PDLIM1: variants seen among roughly 807,000 people sequenced by gnomAD.
The protein encoded by PDLIM1 is PDZ and LIM domain protein 1.
A neutral mutation model predicts 35.2 loss-of-function variants in PDLIM1; 25 were observed. That is an observed-to-expected ratio of 0.71 (90% CI 0.52 to 0.99). The LOEUF (loss-of-function observed/expected upper bound fraction) is 0.99. Among genes scored for constraint, PDLIM1 ranks in the 50% least tolerant of loss-of-function variants. The pLI is 0.00. For missense variants in PDLIM1, 363 were observed against 415.3 expected (o/e 0.87, Z 1.09); for synonymous variants, 152 against 154.0 (o/e 0.99, Z 0.10).
At position 95,276,420 on chromosome 10, in the gene PDLIM1, T is replaced by TGGGA. The variant is rs762886120; in HGVS notation, c.97-4637_97-4636insTCCC. On this transcript the variant is annotated intron_variant, in intron 1 of 6. Coordinates refer to ENST00000329399, the MANE Select transcript of PDLIM1 (RefSeq NM_020992.4). ...CCACAGGACAGTCACTCCCCTGCCC[T>TGGGA]GTACTGATCTGGGGCCCAGTAACCC... Among the ~76,000 whole-genome samples the TGGGA allele has an allele frequency of 8.5e-5, 13 of 152,154 alleles. No homozygotes were observed. In the South Asian group the frequency reaches 1.2e-3, roughly 15 times the overall value.
At chr10:95,288,193 T>TA (rs947201426) in intron 1 of PDLIM1, among the ~76,000 whole-genome samples, 2 of 152,186 alleles carry the variant, frequency 1.3e-5, no homozygotes, top group South Asian at 2.1e-4. Flanking sequence ...AGTTAAAAAA[T>TA]AAAAAAATTG....
chr10:95,258,718 T>C (rs1235923875), intron 4 of PDLIM1, among the ~76,000 whole-genome samples: 1 of 152,138 alleles, frequency 6.6e-6, no homozygotes, highest in East Asian at 1.9e-4. Flanking sequence ...ATTTCAGTTT[T>C]TCAGGATAAA....
intron 5 of PDLIM1, among the ~76,000 whole-genome samples, chr10:95,242,109 T>C (rs938099421): frequency 6.6e-6 from 1 of 152,020 alleles, no homozygotes; most frequent in African/African-American, 2.4e-5. Flanking sequence ...GGGCTGAGAT[T>C]AGGAGGCTCC....
intron 1 of PDLIM1, among the ~76,000 whole-genome samples, chr10:95,272,637 C>A (rs2035475531): frequency 6.6e-6 from 1 of 151,890 alleles, no homozygotes; most frequent in South Asian, 2.1e-4. Flanking sequence ...GTACTCCAGC[C>A]TGGGCAACAG....
intron 4 of PDLIM1, among the ~76,000 whole-genome samples, chr10:95,257,484 G>A (rs754792380): frequency 1.3e-5 from 2 of 151,704 alleles, no homozygotes; most frequent in Non-Finnish European, 2.9e-5. Flanking sequence ...CAAATAGCTC[G>A]ATTAAAAAAT....
chr10:95,246,334 T>C (rs1022969881), intron 5 of PDLIM1, among the ~76,000 whole-genome samples: 11 of 152,204 alleles, frequency 7.2e-5, no homozygotes, highest in African/African-American at 2.7e-4. Flanking sequence ...TCTCGACGTA[T>C]AGCATTGTTA....
Position 95,238,565 on chromosome 10 carries a change from C to A in PDLIM1, c.803+3G>T, listed in dbSNP as rs370876200. On this transcript the variant is annotated splice_donor_region_variant and intron_variant, in intron 6 of 6. Coordinates refer to ENST00000329399, the MANE Select transcript of PDLIM1 (RefSeq NM_020992.4). ...GCAAAGGCTGTGGGAAGCAGATACT[C>A]ACACAATCCCAGTGCCACATTTGTC... 2.5e-6 allele frequency: 4 copies of A among 1,572,178 alleles called. No individual in the cohort carries two copies.
chr10:95,280,220 A>G (rs1212421677), intron 1 of PDLIM1, among the ~76,000 whole-genome samples: 6 of 152,158 alleles, frequency 3.9e-5, no homozygotes, highest in Non-Finnish European at 8.8e-5. Flanking sequence ...TACTAAAAAT[A>G]CAAAAAATTA....
intron 5 of PDLIM1, 102 bp from the exon 6 acceptor site, chr10:95,238,787 A>G: frequency 1.4e-6 from 1 of 740,544 alleles, no homozygotes; most frequent in Non-Finnish European, 2.4e-6. Context: ...AAGCAAGGCC[A>G]TGGGAACTGG....
intron 1 of PDLIM1, among the ~76,000 whole-genome samples, chr10:95,280,157 CTA>C (rs2035548507): frequency 6.6e-6 from 1 of 152,204 alleles, no homozygotes; most frequent in African/African-American, 2.4e-5. Context: ...GGGTGGATCA[CTA>C]GAGGTCAGGA....
At chr10:95,288,930 T>C (rs527471557) in intron 1 of PDLIM1, among the ~76,000 whole-genome samples, 1 of 152,214 alleles carries the variant, frequency 6.6e-6, no homozygotes, top group Non-Finnish European at 1.5e-5. Flanking sequence ...TACGTGCTCA[T>C]TAAACACGTG....
intron 2 of PDLIM1, among the ~76,000 whole-genome samples, chr10:95,271,340 G>T (rs1408066943): frequency 6.6e-6 from 1 of 151,376 alleles, no homozygotes; most frequent in Non-Finnish European, 1.5e-5. Context: ...AGGAGGCTAA[G>T]GCAGGAGAGT....
intron 1 of PDLIM1, among the ~76,000 whole-genome samples, chr10:95,277,289 G>C (rs1286853791): frequency 1.3e-5 from 2 of 151,736 alleles, no homozygotes; most frequent in East Asian, 1.9e-4. Flanking sequence ...TTTTTCCCCA[G>C]AGACCATACA....
intron 4 of PDLIM1, among the ~76,000 whole-genome samples, chr10:95,260,358 T>C (rs1053195602): frequency 6.6e-6 from 1 of 152,198 alleles, no homozygotes; most frequent in African/African-American, 2.4e-5. Context: ...CAATGAAATC[T>C]GGGCTCTGAA....
chr10:95,265,593 CA>C (rs56893525), intron 3 of PDLIM1, among the ~76,000 whole-genome samples: 2,398 of 83,846 alleles, frequency 0.029, 6 homozygotes, highest in East Asian at 0.053. Flanking sequence ...GGAACTCTGT[CA>C]AAAAAAAAAA....
At chr10:95,262,070 A>T (rs139769021) in intron 4 of PDLIM1, among the ~76,000 whole-genome samples, 344 of 151,982 alleles carry the variant, frequency 2.3e-3, no homozygotes, top group African/African-American at 8.0e-3. Context: ...CACAGGGAAC[A>T]GGGATGCACA....
At chr10:95,240,024 C>T (rs762823072) in intron 5 of PDLIM1, among the ~76,000 whole-genome samples, 4 of 152,122 alleles carry the variant, frequency 2.6e-5, no homozygotes, top group African/African-American at 7.2e-5. Flanking sequence ...GAAAAAAGAA[C>T]GCTTTCACAC....
intron 5 of PDLIM1, among the ~76,000 whole-genome samples, chr10:95,245,062 C>A (rs976312057): frequency 2.0e-5 from 3 of 152,222 alleles, no homozygotes; most frequent in African/African-American, 7.2e-5. Flanking sequence ...GATTTGCTAT[C>A]TCCCTCTTCC....
intron 1 of PDLIM1, among the ~76,000 whole-genome samples, chr10:95,280,627 G>T (rs1294799716): frequency 3.9e-5 from 6 of 152,148 alleles, no homozygotes; most frequent in Admixed American, 3.9e-4. Flanking sequence ...CAGAGGTGGG[G>T]GTTTTAACCA....
Sources: gnomAD v4.1 joint callset for allele counts (sites outside exome capture counted in the v4.1 genomes callset) on GRCh38, gnomAD v4.1.1 for gene constraint, MANE v1.5 for transcripts, NCBI Gene and HGNC (gene_info 2026-07-23, HGNC 2026-07-21) for gene names.